ADAMTS17: variants seen among roughly 807,000 people sequenced by gnomAD.
The protein encoded by ADAMTS17 is ADAM metallopeptidase with thrombospondin type 1 motif 17.
Under a neutral mutation model 141.5 loss-of-function variants are expected in ADAMTS17, and 113 were observed. That is an observed-to-expected ratio of 0.80 (90% CI 0.69 to 0.93). ADAMTS17 has a LOEUF of 0.93. Ranked by LOEUF, ADAMTS17 falls within the 40% of genes least tolerant of loss-of-function variation. The pLI, the probability that ADAMTS17 is intolerant of heterozygous loss-of-function variation, is 0.00. For missense variants in ADAMTS17, 1,659 were observed against 1,517.9 expected (o/e 1.09, Z -1.54); for synonymous variants, 768 against 630.6 (o/e 1.22, Z -3.27).
intron 4 of ADAMTS17, among the ~76,000 whole-genome samples, chr15:100,271,975 C>T (rs1239988431): frequency 6.6e-6 from 1 of 152,146 alleles, no homozygotes; most frequent in African/African-American, 2.4e-5. Flanking sequence ...AAAAGACTGT[C>T]ACTTCTCTAT....
intron 3 of ADAMTS17, among the ~76,000 whole-genome samples, chr15:100,330,638 A>G (rs2046022493): frequency 1.3e-5 from 2 of 152,190 alleles, no homozygotes; most frequent in Non-Finnish European, 2.9e-5. Context: ...TGCTCTTGAT[A>G]TATAAAATTG....
intron 3 of ADAMTS17, among the ~76,000 whole-genome samples, chr15:100,286,964 C>T (rs183022154): frequency 9.9e-5 from 15 of 152,268 alleles, no homozygotes; most frequent in Middle Eastern, 3.4e-3. Context: ...CCGAAGTGGG[C>T]GGATCACAAG....
rs756688845 is a variant in ADAMTS17 at position 100,108,972 on chromosome 15, AAGG to A, written c.2016+14_2016+16del. On this transcript the variant is annotated intron_variant, in intron 14 of 21. Transcript: ENST00000268070. ...CTCTCCAAAGCCCCACCAAGGACCG[AAGG>A]AGAAGTACGTCACCTGGCACTTGCC... is the stretch of plus-strand genomic sequence containing the variant. 2.5e-6 allele frequency: 4 copies of A among 1,613,388 alleles called. No homozygotes were observed. Among genetic ancestry groups the A allele is most frequent in the Non-Finnish European group, 3.4e-6 (4 of 1,179,890 alleles).
At chr15:100,170,822 T>C (rs1424863287) in intron 8 of ADAMTS17, among the ~76,000 whole-genome samples, 2 of 152,238 alleles carry the variant, frequency 1.3e-5, no homozygotes, top group Non-Finnish European at 2.9e-5. Context: ...ATAAGCTTTC[T>C]ACTGACAATT....
At chr15:100,216,889 T>C (rs1470129950) in intron 7 of ADAMTS17, among the ~76,000 whole-genome samples, 2 of 152,246 alleles carry the variant, frequency 1.3e-5, no homozygotes, top group Non-Finnish European at 2.9e-5. Context: ...ACACATTGAA[T>C]GCACTTCTTG....
chr15:100,044,241 A>T (rs114760729), intron 18 of ADAMTS17, among the ~76,000 whole-genome samples: 1,828 of 152,258 alleles, frequency 0.012, 39 homozygotes, highest in African/African-American at 0.041. Context: ...TGTTTCTTAA[A>T]TGATTATTTT....
intron 7 of ADAMTS17, among the ~76,000 whole-genome samples, chr15:100,215,443 T>C (rs2041941267): frequency 6.6e-6 from 1 of 152,184 alleles, no homozygotes. Flanking sequence ...CTGCTAGCCT[T>C]GATTTCAGTA....
chr15:100,238,727 T>C (rs745901767), intron 7 of ADAMTS17, among the ~76,000 whole-genome samples: 13 of 152,196 alleles, frequency 8.5e-5, no homozygotes, highest in African/African-American at 2.9e-4. Context: ...AAATGTATTC[T>C]TTTAGAGCCT....
chr15:99,998,018 A>G (rs1334654543), intron 18 of ADAMTS17, among the ~76,000 whole-genome samples: 1 of 152,186 alleles, frequency 6.6e-6, no homozygotes. Flanking sequence ...CTGGGAGAAC[A>G]GTCCCAGTAC....
intron 15 of ADAMTS17, among the ~76,000 whole-genome samples, chr15:100,090,547 C>T (rs557321086): frequency 5.0e-4 from 76 of 152,228 alleles, no homozygotes; most frequent in Middle Eastern, 3.4e-3. Flanking sequence ...AAAAGACATC[C>T]GTTTTCTGTC....
At position 100,096,496 on chromosome 15, in the gene ADAMTS17, C is replaced by CA. The variant is rs2035768391; in HGVS notation, c.2017-21dup. ...GATTTTCTAAAGAACCAGAGGGCCT[C>CA]ATTATTCTGTGGTTAAGACTCAGAG... On this transcript the variant is annotated intron_variant, in intron 14 of 21. Transcript: ENST00000268070. 16 of 1,613,872 alleles carry CA rather than the reference C, an allele frequency of 9.9e-6. No homozygotes were observed. Among genetic ancestry groups the CA allele is most frequent in the Non-Finnish European group, 1.3e-5 (15 of 1,180,004 alleles).
At chr15:100,030,556 G>A (rs909972804) in intron 18 of ADAMTS17, among the ~76,000 whole-genome samples, 3 of 152,026 alleles carry the variant, frequency 2.0e-5, no homozygotes, top group African/African-American at 7.2e-5. Flanking sequence ...TCCAATCTTC[G>A]GGTTTGAATG....
At chr15:100,241,347 G>C (rs2042821804) in intron 7 of ADAMTS17, among the ~76,000 whole-genome samples, 2 of 152,336 alleles carry the variant, frequency 1.3e-5, no homozygotes, top group South Asian at 4.1e-4. Flanking sequence ...CGTAGAGATA[G>C]GGCCACTGTC....
chr15:100,301,658 T>A (rs752855273), intron 3 of ADAMTS17, among the ~76,000 whole-genome samples: 29 of 151,686 alleles, frequency 1.9e-4, no homozygotes, highest in Non-Finnish European at 2.9e-4. Context: ...ATTAGGCTTA[T>A]CATCTTTAGT....
At chr15:99,978,620 A>T (rs1438411534) in intron 20 of ADAMTS17, 1 of 152,242 alleles carries the variant, frequency 6.6e-6, no homozygotes, top group African/African-American at 2.4e-5. Flanking sequence ...TGGAAGTTTG[A>T]GGAGTGCTGA....
In ADAMTS17 at chr15:100,328,851, C is replaced by T. The variant is rs186844914; in HGVS notation, c.616+2038G>A. Among the ~76,000 whole-genome samples the T allele has an allele frequency of 1.1e-3, 166 of 152,262 alleles. 1 individual carries two copies. Among genetic ancestry groups the T allele is most frequent in the African/African-American group, 3.8e-3 (157 of 41,544 alleles). On this transcript the variant is annotated intron_variant, in intron 3 of 21. Coordinates refer to ENST00000268070, the MANE Select transcript of ADAMTS17 (RefSeq NM_139057.4). ...TGACCATGGACTAGAGTCTGATGAA[C>T]GGTGGCGTGAGCAGAGAGAACAGTG...
rs566389317 is a variant in ADAMTS17, at chr15:99,971,550, TC to T, written c.*2851del. 1 of 152,256 alleles carries T rather than the reference TC, an allele frequency of 6.6e-6. No homozygotes were observed. The highest frequency in any genetic ancestry group is 2.1e-4 in the South Asian group (1 of 4,832). 9.4% of individuals were successfully genotyped at this position (152,256 alleles called of 1,614,324 possible). A position where few individuals can be genotyped will look rare whatever the true frequency, so the allele number is the denominator to read the frequency against. On this transcript the variant is annotated 3_prime_UTR_variant, in exon 22 of 22. Transcript: ENST00000268070. ...TCCAATGTTTGTCTTCCGTTTTTTT[TC>T]CTTTCAAAACCAGCCCCAAAAAGTA...
intron 7 of ADAMTS17, among the ~76,000 whole-genome samples, chr15:100,209,131 A>AAAAAAAAAAGG (rs1555483240): frequency 3.0e-5 from 4 of 133,100 alleles, no homozygotes; most frequent in African/African-American, 9.0e-5. Context: ...AAAAAAAAAA[A>AAAAAAAAAAGG]AAGGAAGAAA....
chr15:100,256,525 G>A (rs1451383922), intron 6 of ADAMTS17: 2 of 152,222 alleles, frequency 1.3e-5, no homozygotes, highest in Non-Finnish European at 2.9e-5. Context: ...TGGGAAGCCT[G>A]GGAGCGTAAC....
Sources: allele counts gnomAD v4.1 joint callset (sites outside exome capture counted in the v4.1 genomes callset), GRCh38; gene constraint gnomAD v4.1.1; transcripts MANE v1.5; gene names NCBI Gene and HGNC (gene_info 2026-07-23, HGNC 2026-07-21).